YTHDC2: variants seen among roughly 807,000 people sequenced by gnomAD.
The protein encoded by YTHDC2 is 3'-5' RNA helicase YTHDC2.
Under a neutral mutation model 174.9 loss-of-function variants are expected in YTHDC2, and 45 were observed. The ratio of observed to expected loss-of-function variants is 0.26; its 90% CI spans 0.20 to 0.33. YTHDC2 has a LOEUF of 0.33. Among genes scored for constraint, YTHDC2 ranks in the 10% least tolerant of loss-of-function variants. YTHDC2 has a pLI of 1.00. For missense variants in YTHDC2, 1,650 were observed against 1,723.7 expected, an observed-to-expected ratio of 0.96 and a Z score of 0.76; for synonymous variants, 657 against 574.5, an observed-to-expected ratio of 1.14 and a Z score of -2.05.
chr5:113,574,244 C>A (rs998380289), intron 23 of YTHDC2, among the ~76,000 whole-genome samples: 1 of 152,146 alleles, frequency 6.6e-6, no homozygotes, highest in Non-Finnish European at 1.5e-5. Flanking sequence ...GGGCTCCCCA[C>A]CAGACCTCAG....
chr5:113,581,453 C>A lies in YTHDC2; in HGVS notation c.3391C>A (p.His1131Asn), dbSNP rs774446048. Residue 1131 changes from histidine to asparagine, a missense_variant, in exon 25 of 30, where the codon CAT becomes AAT. Coordinates refer to ENST00000161863, the MANE Select transcript of YTHDC2 (RefSeq NM_022828.5). ...ATTGCTGCAGCTCAGACAGAAGTGGCATAGCTTATTTTTACGCCGAATGAG... is the reference window on the plus strand; with the variant it reads ...ATTGCTGCAGCTCAGACAGAAGTGGAATAGCTTATTTTTACGCCGAATGAG... The part of the protein sequence containing the change: ...SLLLQLRQKW[H>N]SLFLRRMRAP... 4 of 1,612,134 alleles carry A rather than the reference C, an allele frequency of 2.5e-6. No homozygotes were observed. In the South Asian group the frequency reaches 4.4e-5, roughly 18 times the overall value.
intron 4 of YTHDC2, among the ~76,000 whole-genome samples, chr5:113,528,515 G>A (rs1774437851): frequency 6.6e-6 from 1 of 151,816 alleles, no homozygotes. Context: ...TTTTATAGAA[G>A]GTGGAAGATT....
intron 17 of YTHDC2, among the ~76,000 whole-genome samples, chr5:113,557,007 T>C (rs1351354579): frequency 1.3e-5 from 2 of 152,182 alleles, no homozygotes; most frequent in South Asian, 2.1e-4. Context: ...TCAGGATGCA[T>C]TGTTAATTGA....
At chr5:113,567,887 A>C (rs760951826) in intron 23 of YTHDC2, 38 bp downstream of exon 23, 1 of 1,418,776 alleles carries the variant, frequency 7.0e-7, no homozygotes. Flanking sequence ...ATTTGAAATG[A>C]ATTTTTTTTT....
At position 113,553,677 on chromosome 5, in the gene YTHDC2, G is replaced by C. The variant is rs10071816; in HGVS notation, c.1955G>C (p.Ser652Thr). ...ILFDDKRFAD[S>T]THRYQVFMLH... ...TTTGATGACAAGCGGTTTGCTGACA[G>C]TACACATAGGTAAGGGCTAAAGCCT... Residue 652 changes from serine (S) to threonine (T), a missense_variant, in exon 14 of 30, where the codon AGT becomes ACT. Transcript: ENST00000161863. The C allele has an allele frequency of 6.2e-7, 1 of 1,613,130 alleles. No homozygotes were observed. The highest frequency in any genetic ancestry group is 1.7e-5 in the Admixed American group (1 of 59,912).
chr5:113,546,924 A>T (rs1775922924), intron 10 of YTHDC2, among the ~76,000 whole-genome samples: 1 of 152,028 alleles, frequency 6.6e-6, no homozygotes, highest in Admixed American at 6.6e-5. Flanking sequence ...GGGCTGCCTT[A>T]TTCTACCTGT....
Position 113,567,186 on chromosome 5 carries a change from G to T in YTHDC2, c.2937G>T (p.Met979Ile). Residue 979 changes from methionine to isoleucine, a missense_variant, in exon 22 of 30, where the codon ATG (methionine) becomes ATT (isoleucine). Met to Ile is a conservative substitution (Grantham distance 10). Coordinates refer to ENST00000161863, the MANE Select transcript of YTHDC2 (RefSeq NM_022828.5). Reference protein sequence around the residue: ...AVVKAALVAGMYPNLVHVDRE... With the variant: ...AVVKAALVAGIYPNLVHVDRE... ...TTAAAGCTGCATTGGTGGCAGGCATGTATCCTAATTTAGTCCACGTGGACA... is the reference window on the plus strand; with the variant it reads ...TTAAAGCTGCATTGGTGGCAGGCATTTATCCTAATTTAGTCCACGTGGACA... 4 of 1,613,852 alleles carry T rather than the reference G, an allele frequency of 2.5e-6. No individual in the cohort carries two copies. Among genetic ancestry groups the T allele is most frequent in the Non-Finnish European group, 3.4e-6 (4 of 1,179,932 alleles).
chr5:113,548,693 C>T (rs888157584), intron 11 of YTHDC2, 26 bp downstream of exon 11: 23 of 1,593,702 alleles, frequency 1.4e-5, no homozygotes, highest in Non-Finnish European at 1.8e-5. Context: ...GTTGATTCTT[C>T]ATATATCTTT....
At chr5:113,514,242 G>C (rs1170055692) in intron 1 of YTHDC2, 160 bp downstream of exon 1, 2 of 881,728 alleles carry the variant, frequency 2.3e-6, no homozygotes, top group Non-Finnish European at 3.6e-6. Flanking sequence ...CCCGGGTCTG[G>C]AACGCGGCTG....
At chr5:113,533,566 C>T (rs1405063385) in intron 5 of YTHDC2, among the ~76,000 whole-genome samples, 2 of 151,664 alleles carry the variant, frequency 1.3e-5, no homozygotes. Flanking sequence ...AAAAAAATTC[C>T]GTTTCCTAGT....
chr5:113,553,718 A>T (rs1461633088), intron 14 of YTHDC2, 32 bp downstream of exon 14: 2 of 1,613,038 alleles, frequency 1.2e-6, no homozygotes, highest in Non-Finnish European at 1.7e-6. Flanking sequence ...CTGTTGCTTA[A>T]AATAACGGAC....
At chr5:113,574,041 C>T (rs1036723147) in intron 23 of YTHDC2, among the ~76,000 whole-genome samples, 7 of 152,210 alleles carry the variant, frequency 4.6e-5, no homozygotes, top group Admixed American at 3.9e-4. Context: ...AGAAGAGGCA[C>T]TCTGGCTTTT....
rs2112719021 is a variant in YTHDC2 at position 113,563,751 on chromosome 5, T to C, written c.2443-108T>C. 2.3e-6 allele frequency: 3 copies of C among 1,295,780 alleles called. No individual in the cohort carries two copies. In the East Asian group the frequency reaches 7.2e-5, roughly 31 times the overall value. The allele number at this position is 1,295,780 out of a possible 1,614,324, so 80.3% of individuals were successfully genotyped here. A position where few individuals can be genotyped will look rare whatever the true frequency, so the allele number is the denominator to read the frequency against. On this transcript the variant is annotated intron_variant, in intron 19 of 29. Transcript: ENST00000161863. The stretch of plus-strand genomic sequence containing the variant: ...CGAAATATATTTTTATGAGATGTAG[T>C]AGCAAAAGAAAATCTATATTCTTAT...
At chr5:113,527,043 A>G (rs957728154) in intron 4 of YTHDC2, among the ~76,000 whole-genome samples, 3 of 152,072 alleles carry the variant, frequency 2.0e-5, no homozygotes, top group African/African-American at 7.2e-5. Context: ...CTTTATTTAA[A>G]CAGAGTTGGG....
Position 113,581,225 on chromosome 5 carries a change from G to T in YTHDC2, c.3355-192G>T, listed in dbSNP as rs1052544515. ...ATTAGACTATTTAATTTGATTTTGT[G>T]TCTTAGTGCCTAAAATATTATAAAT... On this transcript the variant is annotated intron_variant, in intron 24 of 29. Transcript: ENST00000161863. 2.7e-5 allele frequency: 13 copies of T among 476,768 alleles called. No individual in the cohort carries two copies. In the Admixed American group the frequency reaches 3.2e-4, roughly 12 times the overall value. The allele number at this position is 476,768 out of a possible 1,614,324, so 29.5% of individuals were successfully genotyped here.
At chr5:113,585,354 T>TA (rs1778624428) in intron 26 of YTHDC2, among the ~76,000 whole-genome samples, 1 of 152,194 alleles carries the variant, frequency 6.6e-6, no homozygotes, top group Non-Finnish European at 1.5e-5. Flanking sequence ...GATTAGGGGT[T>TA]ATTTAGCTGC....
intron 7 of YTHDC2, among the ~76,000 whole-genome samples, chr5:113,536,612 C>T (rs1246783929): frequency 1.3e-5 from 2 of 152,056 alleles, no homozygotes; most frequent in East Asian, 1.9e-4. Context: ...TCACAATTGC[C>T]CCTATCCTTG....
chr5:113,584,139 A>G, intron 25 of YTHDC2, 163 bp from the exon 26 acceptor site: 1 of 541,712 alleles, frequency 1.8e-6, no homozygotes, highest in Non-Finnish European at 3.0e-6. Context: ...AGACATCTAT[A>G]TTTCCTGACC....
chr5:113,538,534 A>G (rs1026523574), intron 7 of YTHDC2, among the ~76,000 whole-genome samples: 2 of 152,142 alleles, frequency 1.3e-5, no homozygotes, highest in African/African-American at 2.4e-5. Context: ...GACTTTGCAC[A>G]TGCTGTTTTT....
Sources: allele counts gnomAD v4.1 joint callset (sites outside exome capture counted in the v4.1 genomes callset), GRCh38; gene constraint gnomAD v4.1.1; transcripts MANE v1.5; gene names NCBI Gene and HGNC (gene_info 2026-07-23, HGNC 2026-07-21).